The following LTF variants were observed in gnomAD, a reference collection of about 807,000 sequenced individuals.
The protein encoded by LTF is lactotransferrin, also known as epididymis luminal protein 110.
Under a neutral mutation model 87.2 loss-of-function variants are expected in LTF, and 91 were observed. The observed-to-expected ratio is 1.04, with a 90% CI of 0.88 to 1.24. The LOEUF (loss-of-function observed/expected upper bound fraction) is 1.24. Ranked by LOEUF, LTF falls within the 50% of genes most tolerant of loss-of-function variation. LTF has a pLI of 0.00. For missense variants in LTF, 901 were observed against 904.3 expected (o/e 1.00, Z 0.05); for synonymous variants, 378 against 356.1 (o/e 1.06, Z -0.69).
chr3:46,455,750 T>G, intron 4 of LTF, 46 bp downstream of exon 4: 1 of 1,521,004 alleles, frequency 6.6e-7, no homozygotes, highest in Non-Finnish European at 8.8e-7. Context: ...ACAACTGGAA[T>G]AGAGCCCCCT....
In LTF at chr3:46,454,304, C is replaced by G; in HGVS notation, c.703+1G>C. 1 of 1,614,090 alleles carries G rather than the reference C, an allele frequency of 6.2e-7. No homozygotes were observed. Among genetic ancestry groups the G allele is most frequent in the Non-Finnish European group, 8.5e-7 (1 of 1,179,950 alleles). ...CCCACGGCTCATTACCCTGCTCTTACCAAACACTGTGCTCTCTCTGATAAA... is the reference window on the plus strand; with the variant it reads ...CCCACGGCTCATTACCCTGCTCTTAGCAAACACTGTGCTCTCTCTGATAAA... On this transcript the variant is annotated splice_donor_variant, in intron 6 of 16. Coordinates refer to ENST00000231751, the MANE Select transcript of LTF (RefSeq NM_002343.6). LOFTEE classifies it high-confidence loss of function.
intron 1 of LTF, among the ~76,000 whole-genome samples, chr3:46,476,770 G>A (rs1168822084): frequency 6.6e-6 from 1 of 152,194 alleles, no homozygotes; most frequent in African/African-American, 2.4e-5. Flanking sequence ...ATGACTGTGT[G>A]TGAAGTTTTT....
At chr3:46,447,876 A>G (rs1455810435) in intron 9 of LTF, among the ~76,000 whole-genome samples, 2 of 152,232 alleles carry the variant, frequency 1.3e-5, no homozygotes, top group East Asian at 1.9e-4. Context: ...TGGACTCATC[A>G]GTAGTATGAA....
intron 13 of LTF, among the ~76,000 whole-genome samples, chr3:46,442,111 A>T (rs1212450826): frequency 6.6e-6 from 1 of 152,118 alleles, no homozygotes; most frequent in Admixed American, 6.6e-5. Context: ...CAGAGTAAAC[A>T]AAAAGTTTGT....
upstream of LTF, chr3:46,468,222 A>G (rs72900270): frequency 0.098 from 44,811 of 456,698 alleles, 3,293 homozygotes; most frequent in East Asian, 0.21. Flanking sequence ...GGCCATGCCA[A>G]AGCCTGTGTA....
In LTF at chr3:46,456,316, G is replaced by A. The variant is rs778466871; in HGVS notation, c.290C>T (p.Ala97Val). Reference protein sequence around the residue: ...GLAPYKLRPVAAEVYGTERQP... With the variant: ...GLAPYKLRPVVAEVYGTERQP... ...TCTTTCGGTCCCGTAGACTTCCGCC[G>A]CTACAGGTCGCAGTTTGTAGGGGGC... is the stretch of plus-strand genomic sequence containing the variant. The change falls in exon 3 of 17, where the codon GCG (alanine) becomes GTG (valine). Residue 97 changes from alanine (A) to valine (V), a missense_variant. Coordinates refer to ENST00000231751, the MANE Select transcript of LTF (RefSeq NM_002343.6). The A allele has an allele frequency of 2.9e-5, 47 of 1,613,946 alleles. No homozygotes were observed. The highest frequency in any genetic ancestry group is 1.6e-4 in the Middle Eastern group (1 of 6,084).
At chr3:46,462,773 G>C (rs1703116447) in intron 1 of LTF, among the ~76,000 whole-genome samples, 1 of 152,126 alleles carries the variant, frequency 6.6e-6, no homozygotes, top group Non-Finnish European at 1.5e-5. Context: ...TGAGTGGAGA[G>C]AGGGGACAGC....
At chr3:46,446,024 CAGG>C (rs909725467) in intron 11 of LTF, among the ~76,000 whole-genome samples, 10 of 152,198 alleles carry the variant, frequency 6.6e-5, no homozygotes, top group African/African-American at 1.9e-4. Flanking sequence ...CTCTGGTGGG[CAGG>C]AGGAGTGGTG....
In LTF at chr3:46,455,955, CGGCATAATAGTGAGTTCGT is replaced by C; in HGVS notation, c.321_339del (p.Arg108TrpfsTer4). 6.2e-7 allele frequency: 1 copy of C among 1,604,570 alleles called. No individual in the cohort carries two copies. The highest frequency in any genetic ancestry group is 8.5e-7 in the Non-Finnish European group (1 of 1,175,514). On this transcript the variant is annotated frameshift_variant, in exon 4 of 17. Transcript: ENST00000231751. LOFTEE classifies it high-confidence loss of function. ...CTGCCGCCCTTCTTCACCACAGCCA[CGGCATAATAGTGAGTTCGT>C]GGCTCTGCAAAGGGGCAGACAGAAT... is the stretch of plus-strand genomic sequence containing the variant.
intron 1 of LTF, among the ~76,000 whole-genome samples, chr3:46,461,194 A>G (rs894512158): frequency 6.6e-6 from 1 of 152,244 alleles, no homozygotes; most frequent in Admixed American, 6.5e-5. Flanking sequence ...AAACCCTCAT[A>G]CATTGCTGAG....
Position 46,457,331 on chromosome 3 carries a change from T to A in LTF, c.208-933A>T, listed in dbSNP as rs185219179. Among the ~76,000 whole-genome samples, 584 of 152,120 alleles carry A rather than the reference T, an allele frequency of 3.8e-3. 4 individuals are homozygous for A. Among genetic ancestry groups the A allele is most frequent in the African/African-American group, 0.013 (551 of 41,346 alleles). On this transcript the variant is annotated intron_variant, in intron 2 of 16. Coordinates refer to ENST00000231751, the MANE Select transcript of LTF (RefSeq NM_002343.6). ...TGTGGGTGTTCTATCGTGTATTGAA[T>A]AATTTCCCCCAATGTTTAGCATTTA...
chr3:46,455,505 C>T lies in LTF; in HGVS notation c.500-63G>A, dbSNP rs1336262553. On this transcript the variant is annotated intron_variant, in intron 4 of 16. Coordinates refer to ENST00000231751, the MANE Select transcript of LTF (RefSeq NM_002343.6). ...CAGCCCTGGTCACAGCAGGTTACAC[C>T]TCCCATCCTGAGGTCTCCGTGGGCA... The T allele has an allele frequency of 3.0e-5, 48 of 1,600,230 alleles. 1 individual carries two copies. Among genetic ancestry groups the T allele is most frequent in the Non-Finnish European group, 4.0e-5 (47 of 1,170,142 alleles).
chr3:46,439,261 A>C (rs1447465024), intron 15 of LTF, 35 bp downstream of exon 15: 3 of 1,567,762 alleles, frequency 1.9e-6, no homozygotes, highest in African/African-American at 2.7e-5. Flanking sequence ...GAGCCCACAC[A>C]GCTAAGAAAG....
intron 2 of LTF, among the ~76,000 whole-genome samples, chr3:46,457,270 T>C (rs1356346009): frequency 6.6e-6 from 1 of 152,254 alleles, no homozygotes; most frequent in Non-Finnish European, 1.5e-5. Flanking sequence ...GCAGAGCCTT[T>C]ACTGATTTTG....
Position 46,446,551 on chromosome 3 carries a change from C to T in LTF, c.1304-58G>A, listed in dbSNP as rs368229883. 7.6e-6 allele frequency: 11 copies of T among 1,445,066 alleles called. No homozygotes were observed. In the Admixed American group the frequency reaches 1.7e-4, roughly 23 times the overall value. The allele number at this position is 1,445,066 out of a possible 1,614,324, so 89.5% of individuals were successfully genotyped here. On this transcript the variant is annotated intron_variant, in intron 10 of 16. Coordinates refer to ENST00000231751, the MANE Select transcript of LTF (RefSeq NM_002343.6). ...TCCATTCAGATGTAGTGAGAAGCCACAAACTCTTAAATCTCAATGATGCAG... is the reference window on the plus strand; with the variant it reads ...TCCATTCAGATGTAGTGAGAAGCCATAAACTCTTAAATCTCAATGATGCAG...
chr3:46,461,051 A>G (rs190648943), intron 1 of LTF, among the ~76,000 whole-genome samples: 16 of 152,380 alleles, frequency 1.1e-4, no homozygotes, highest in Admixed American at 2.0e-4. Context: ...CAATAAGCAC[A>G]TGAAAAGTGC....
chr3:46,479,118 G>A (rs759177308), intron 1 of LTF, among the ~76,000 whole-genome samples: 5 of 152,200 alleles, frequency 3.3e-5, no homozygotes, highest in Non-Finnish European at 7.3e-5. Flanking sequence ...CATGGACCAC[G>A]GTAACAGAAG....
chr3:46,459,024 T>C (rs1481209120), intron 2 of LTF, among the ~76,000 whole-genome samples: 2 of 152,260 alleles, frequency 1.3e-5, no homozygotes, highest in African/African-American at 2.4e-5. Flanking sequence ...ATGCAAATTA[T>C]TCACTCTGCT....
At chr3:46,456,432 A>G (rs1702937087) in intron 2 of LTF, 34 bp from the exon 3 acceptor site, 2 of 1,578,804 alleles carry the variant, frequency 1.3e-6, no homozygotes, top group Admixed American at 3.3e-5. Context: ...GCTTCAGCAG[A>G]AAACTCACCC....
Sources: allele counts gnomAD v4.1 joint callset (sites outside exome capture counted in the v4.1 genomes callset), GRCh38; gene constraint gnomAD v4.1.1; transcripts MANE v1.5; gene names NCBI Gene and HGNC (gene_info 2026-07-23, HGNC 2026-07-21).